Variants in FCRL4 observed in about 807,000 individuals in gnomAD.
FCRL4 encodes the protein Fc receptor-like protein 4.
Under a neutral mutation model 64.1 loss-of-function variants are expected in FCRL4, and 43 were observed. The ratio of observed to expected loss-of-function variants is 0.67; its 90% CI spans 0.53 to 0.87. The LOEUF (loss-of-function observed/expected upper bound fraction) is 0.87. Ranked by LOEUF, FCRL4 falls within the 40% of genes least tolerant of loss-of-function variation. The pLI is 0.00. For synonymous variants in FCRL4, 253 were observed against 239.8 expected, an observed-to-expected ratio of 1.05 and a Z score of -0.51; for missense variants, 656 against 613.5, an observed-to-expected ratio of 1.07 and a Z score of -0.73.
chr1:157,588,779 T>C (rs1379142736), intron 3 of FCRL4, among the ~76,000 whole-genome samples: 1 of 152,072 alleles, frequency 6.6e-6, no homozygotes, highest in Non-Finnish European at 1.5e-5. Flanking sequence ...AAACTAGGAA[T>C]GAGGAAGGGA....
At chr1:157,591,199 C>CCTGA (rs1652832997) in intron 2 of FCRL4, among the ~76,000 whole-genome samples, 1 of 152,050 alleles carries the variant, frequency 6.6e-6, no homozygotes, top group African/African-American at 2.4e-5. Context: ...GTGGTTACAC[C>CCTGA]CGTCAGTCTT....
At chr1:157,588,579 C>A (rs1652762113) in intron 3 of FCRL4, among the ~76,000 whole-genome samples, 1 of 152,182 alleles carries the variant, frequency 6.6e-6, no homozygotes. Flanking sequence ...GGATGTGGTC[C>A]TTTATGGGAA....
chr1:157,588,811 A>G (rs996190837), intron 3 of FCRL4, among the ~76,000 whole-genome samples: 2 of 152,204 alleles, frequency 1.3e-5, no homozygotes, highest in Non-Finnish European at 2.9e-5. Context: ...GGGTGGGGAT[A>G]AAAAGCATCA....
At chr1:157,593,493 T>A (rs969963915) in intron 2 of FCRL4, among the ~76,000 whole-genome samples, 2 of 152,188 alleles carry the variant, frequency 1.3e-5, no homozygotes, top group East Asian at 3.8e-4. Flanking sequence ...TAAGATGAAC[T>A]AGTAGAAGAA....
intron 10 of FCRL4, among the ~76,000 whole-genome samples, chr1:157,576,053 A>C (rs1303154618): frequency 1.3e-5 from 2 of 152,172 alleles, no homozygotes; most frequent in Non-Finnish European, 2.9e-5. Context: ...TTAACTTACA[A>C]TACTGTCATC....
chr1:157,579,569 T>G (rs1652503026), intron 8 of FCRL4, among the ~76,000 whole-genome samples: 1 of 152,086 alleles, frequency 6.6e-6, no homozygotes, highest in South Asian at 2.1e-4. Context: ...ATACAAAAAT[T>G]AGCTAGATGT....
chr1:157,597,971 G>A lies in FCRL4; in HGVS notation c.-27C>T, dbSNP rs200225957. On this transcript the variant is annotated 5_prime_UTR_variant, in exon 1 of 12. Transcript: ENST00000271532. ...GAAGCCTGCTCCAGGATTGGAGAAG[G>A]AGTTCTGAGGAGACAAGCCAGGTCA... is the stretch of plus-strand genomic sequence containing the variant. 3.7e-6 allele frequency: 6 copies of A among 1,605,144 alleles called. No homozygotes were observed. In the East Asian group the frequency reaches 1.3e-4, roughly 36 times the overall value.
At position 157,598,028 on chromosome 1, in the gene FCRL4, C is replaced by A; in HGVS notation, c.-84G>T. ...ATTGCCAAAGCAGCACTTGCCTACACCAGCACCAGCAGTGAGCTCAGTAAG... is the reference window on the plus strand; with the variant it reads ...ATTGCCAAAGCAGCACTTGCCTACAACAGCACCAGCAGTGAGCTCAGTAAG... On this transcript the variant is annotated 5_prime_UTR_variant, in exon 1 of 12. Coordinates refer to ENST00000271532, the MANE Select transcript of FCRL4 (RefSeq NM_031282.3). 1.1e-6 allele frequency: 1 copy of A among 945,100 alleles called. No homozygotes were observed. The highest frequency in any genetic ancestry group is 1.8e-5 in the Admixed American group (1 of 54,802). 58.5% of individuals were successfully genotyped at this position (945,100 alleles called of 1,614,324 possible). A position where few individuals can be genotyped will look rare whatever the true frequency, so the allele number is the denominator to read the frequency against.
intron 6 of FCRL4, among the ~76,000 whole-genome samples, chr1:157,582,307 C>T (rs1291077954): frequency 1.3e-5 from 2 of 152,166 alleles, no homozygotes; most frequent in Non-Finnish European, 2.9e-5. Context: ...ACTGAGGCTG[C>T]CCTGTGCTGG....
rs1215348702 is a variant in FCRL4 at position 157,575,248 on chromosome 1, C to T, written c.*276G>A. 5.9e-5 allele frequency: 28 copies of T among 474,148 alleles called. No individual in the cohort carries two copies. The highest frequency in any genetic ancestry group is 9.2e-5 in the Non-Finnish European group (24 of 259,796). 29.4% of individuals were successfully genotyped at this position (474,148 alleles called of 1,614,324 possible). On this transcript the variant is annotated 3_prime_UTR_variant, in exon 12 of 12. Coordinates refer to ENST00000271532, the MANE Select transcript of FCRL4 (RefSeq NM_031282.3). ...TTATCCCCCTTCTCTAAAGCAGACC[C>T]TAGGGAATACATTAGGTCAGGCCCA... is the stretch of plus-strand genomic sequence containing the variant.
intron 2 of FCRL4, 104 bp from the exon 3 acceptor site, chr1:157,589,562 G>A: frequency 1.5e-6 from 2 of 1,375,818 alleles, no homozygotes; most frequent in Non-Finnish European, 2.0e-6. Context: ...AGATCCCTAA[G>A]ATGCCCCCGG....
chr1:157,581,792 C>G, intron 6 of FCRL4, 148 bp from the exon 7 acceptor site: 2 of 610,900 alleles, frequency 3.3e-6, no homozygotes, highest in South Asian at 4.4e-5. Flanking sequence ...CAGGTTTTGG[C>G]CAGAAAAGCT....
rs1044832494 is a variant in FCRL4 at position 157,582,712 on chromosome 1, C to T, written c.1136-1068G>A. 1.3e-5 allele frequency among the ~76,000 whole-genome samples: 2 copies of T among 152,312 alleles called. 1 individual carries two copies. The highest frequency in any genetic ancestry group is 1.3e-4 in the Admixed American group (2 of 15,308). On this transcript the variant is annotated intron_variant, in intron 6 of 11. Coordinates refer to ENST00000271532, the MANE Select transcript of FCRL4 (RefSeq NM_031282.3). ...TCTGATATTATCCTTCCCTCCTCAACAATATCAACAAACCTGCCCTTTGAC... is the reference window on the plus strand; with the variant it reads ...TCTGATATTATCCTTCCCTCCTCAATAATATCAACAAACCTGCCCTTTGAC...
intron 8 of FCRL4, among the ~76,000 whole-genome samples, chr1:157,579,059 G>C (rs914147384): frequency 6.6e-6 from 1 of 152,204 alleles, no homozygotes; most frequent in African/African-American, 2.4e-5. Context: ...TGGAGCTGTG[G>C]TATGGACAGG....
chr1:157,597,770 A>G (rs1652999018), intron 1 of FCRL4, 144 bp downstream of exon 1: 3 of 593,554 alleles, frequency 5.1e-6, no homozygotes, highest in Non-Finnish European at 9.1e-6. Flanking sequence ...TTCTACCAGT[A>G]AATCATTATC....
chr1:157,595,621 G>A (rs1342339437), intron 2 of FCRL4, among the ~76,000 whole-genome samples: 1 of 152,240 alleles, frequency 6.6e-6, no homozygotes, highest in Non-Finnish European at 1.5e-5. Context: ...AGTCTGCCAA[G>A]TTATAATCTT....
rs1195705365 is a variant in FCRL4 at position 157,574,293 on chromosome 1, C to T, written c.*1231G>A. On this transcript the variant is annotated 3_prime_UTR_variant, in exon 12 of 12. Coordinates refer to ENST00000271532, the MANE Select transcript of FCRL4 (RefSeq NM_031282.3). ...CAGTTTATGTTTTGCTGGTTGCAATCCCATAATGTTATTTAAACAAATTCC... is the reference window on the plus strand; with the variant it reads ...CAGTTTATGTTTTGCTGGTTGCAATTCCATAATGTTATTTAAACAAATTCC... The T allele has an allele frequency of 1.4e-5, 3 of 216,608 alleles. No homozygotes were observed. The highest frequency in any genetic ancestry group is 2.3e-5 in the African/African-American group (1 of 44,428). 13.4% of individuals were successfully genotyped at this position (216,608 alleles called of 1,614,324 possible). A position where few individuals can be genotyped will look rare whatever the true frequency, so the allele number is the denominator to read the frequency against.
intron 2 of FCRL4, among the ~76,000 whole-genome samples, chr1:157,595,174 A>G (rs1468844478): frequency 6.6e-6 from 1 of 152,246 alleles, no homozygotes; most frequent in Non-Finnish European, 1.5e-5. Flanking sequence ...TGCTGGGATT[A>G]CAGGCATGAG....
intron 8 of FCRL4, among the ~76,000 whole-genome samples, 156 bp from the exon 9 acceptor site, chr1:157,579,008 T>C (rs1463918176): frequency 4.6e-5 from 7 of 152,198 alleles, no homozygotes; most frequent in Non-Finnish European, 1.0e-4. Context: ...AGAGTTTCAA[T>C]AGGTCTATAT....
Sources: allele counts gnomAD v4.1 joint callset (sites outside exome capture counted in the v4.1 genomes callset), GRCh38; gene constraint gnomAD v4.1.1; transcripts MANE v1.5; gene names NCBI Gene and HGNC (gene_info 2026-07-23, HGNC 2026-07-21).